NKAIN3: variants seen among roughly 807,000 people sequenced by gnomAD.
NKAIN3 encodes the protein sodium/potassium-transporting ATPase subunit beta-1-interacting protein 3.
In NKAIN3, 25 loss-of-function variants were observed where a neutral mutation model predicts 30.2. The ratio of observed to expected loss-of-function variants is 0.83; its 90% CI spans 0.60 to 1.16. NKAIN3 has a LOEUF of 1.16. Among genes scored for constraint, NKAIN3 ranks in the 50% most tolerant of loss-of-function variants. The pLI is 0.00. For missense variants in NKAIN3, 225 were observed against 254.1 expected (o/e 0.89, Z 0.78); for synonymous variants, 91 against 89.6 (o/e 1.02, Z -0.09).
intron 3 of NKAIN3, among the ~76,000 whole-genome samples, chr8:62,722,070 G>T (rs1815110509): frequency 6.6e-6 from 1 of 152,062 alleles, no homozygotes; most frequent in Admixed American, 6.5e-5. Context: ...CTAATTTTGG[G>T]GAGAAAAGAG....
In NKAIN3 at chr8:62,691,643, A is replaced by G. The variant is rs1323341497; in HGVS notation, c.274-55289A>G. 3.3e-5 allele frequency among the ~76,000 whole-genome samples: 5 copies of G among 152,278 alleles called. No individual in the cohort carries two copies. In the East Asian group the frequency reaches 7.7e-4, roughly 24 times the overall value. On this transcript the variant is annotated intron_variant, in intron 3 of 6. Coordinates refer to ENST00000623646, the MANE Select transcript of NKAIN3 (RefSeq NM_001304533.3). Reference sequence around the variant, plus strand: ...GTTAATAAGGCCTATTAAGTCCTGCATGTTCTGGGTTCTGTCTTCCTCTGT... The same window carrying G: ...GTTAATAAGGCCTATTAAGTCCTGCGTGTTCTGGGTTCTGTCTTCCTCTGT...
At chr8:62,708,387 T>A (rs530823921) in intron 3 of NKAIN3, among the ~76,000 whole-genome samples, 1 of 152,268 alleles carries the variant, frequency 6.6e-6, no homozygotes, top group South Asian at 2.1e-4. Flanking sequence ...GTTTATGTTG[T>A]CTATGATTTC....
chr8:62,564,978 A>G (rs981595511), intron 1 of NKAIN3, among the ~76,000 whole-genome samples: 1 of 152,194 alleles, frequency 6.6e-6, no homozygotes, highest in Non-Finnish European at 1.5e-5. Flanking sequence ...CTGTACACAT[A>G]CATGATTTAT....
intron 3 of NKAIN3, among the ~76,000 whole-genome samples, chr8:62,626,395 A>G (rs1811787927): frequency 6.6e-6 from 1 of 152,276 alleles, no homozygotes; most frequent in African/African-American, 2.4e-5. Context: ...ATTCTTACCA[A>G]GCAAACACAT....
At position 62,664,655 on chromosome 8, in the gene NKAIN3, C is replaced by A. The variant is rs567330854; in HGVS notation, c.273+74861C>A. ...CTGTAATAAACCATTTCCCCTTTTCCTGTATTTTAAGTCATATTTTCTCAA... is the reference window on the plus strand; with the variant it reads ...CTGTAATAAACCATTTCCCCTTTTCATGTATTTTAAGTCATATTTTCTCAA... On this transcript the variant is annotated intron_variant, in intron 3 of 6. Transcript: ENST00000623646. Among the ~76,000 whole-genome samples the A allele has an allele frequency of 2.0e-5, 3 of 152,258 alleles. No individual in the cohort carries two copies. In the East Asian group the frequency reaches 5.8e-4, roughly 29 times the overall value.
At chr8:62,506,596 TCCC>T (rs1414828922) in intron 1 of NKAIN3, among the ~76,000 whole-genome samples, 1 of 150,634 alleles carries the variant, frequency 6.6e-6, no homozygotes, top group Non-Finnish European at 1.5e-5. Context: ...TGCCTCAGCC[TCCC>T]GAGTAGCTGG....
At chr8:62,835,161 T>C (rs899429509) in intron 4 of NKAIN3, among the ~76,000 whole-genome samples, 1 of 144,560 alleles carries the variant, frequency 6.9e-6, no homozygotes, top group Non-Finnish European at 1.5e-5. Flanking sequence ...CTTTCACATA[T>C]ACAATACTGA....
At chr8:62,433,677 G>A (rs1004258809) in intron 1 of NKAIN3, among the ~76,000 whole-genome samples, 48 of 152,106 alleles carry the variant, frequency 3.2e-4, no homozygotes, top group East Asian at 1.2e-3. Flanking sequence ...GGTTTTTGCC[G>A]TTGCTTTTAA....
At chr8:62,334,341 C>G (rs1207981540) in intron 1 of NKAIN3, among the ~76,000 whole-genome samples, 2 of 152,018 alleles carry the variant, frequency 1.3e-5, no homozygotes, top group Non-Finnish European at 2.9e-5. Flanking sequence ...GTCAGTAATC[C>G]TTGGCATTCC....
chr8:62,636,479 C>T (rs1812133363), intron 3 of NKAIN3, among the ~76,000 whole-genome samples: 1 of 152,100 alleles, frequency 6.6e-6, no homozygotes, highest in African/African-American at 2.4e-5. Context: ...AATGTTTCTC[C>T]TTGTACTTTC....
chr8:62,495,547 G>A (rs1807209670), intron 1 of NKAIN3, among the ~76,000 whole-genome samples: 1 of 145,030 alleles, frequency 6.9e-6, no homozygotes, highest in Non-Finnish European at 1.5e-5. Flanking sequence ...ATGAGACAGA[G>A]AGTATATATA....
intron 4 of NKAIN3, among the ~76,000 whole-genome samples, chr8:62,840,579 T>G (rs564041047): frequency 5.3e-5 from 8 of 152,208 alleles, no homozygotes; most frequent in Non-Finnish European, 1.2e-4. Context: ...TGATAATATC[T>G]ATGCTGTATT....
At chr8:62,301,357 AG>A (rs1814045799) in intron 1 of NKAIN3, among the ~76,000 whole-genome samples, 3 of 152,122 alleles carry the variant, frequency 2.0e-5, no homozygotes, top group South Asian at 2.1e-4. Context: ...AAAACAGAAT[AG>A]GTTCAGAGAG....
chr8:62,342,190 G>T (rs1815767705), intron 1 of NKAIN3, among the ~76,000 whole-genome samples: 1 of 130,628 alleles, frequency 7.7e-6, no homozygotes, highest in Non-Finnish European at 1.6e-5. Flanking sequence ...TATAACTTTG[G>T]CTCAAATTTT....
At chr8:62,558,443 A>C (rs1170848501) in intron 1 of NKAIN3, among the ~76,000 whole-genome samples, 1 of 152,140 alleles carries the variant, frequency 6.6e-6, no homozygotes, top group Non-Finnish European at 1.5e-5. Context: ...AGTTATGTGA[A>C]GAATGATGGT....
intron 4 of NKAIN3, among the ~76,000 whole-genome samples, chr8:62,892,750 C>A (rs4466391): frequency 6.6e-6 from 1 of 152,020 alleles, no homozygotes; most frequent in African/African-American, 2.4e-5. Flanking sequence ...TGTTTATTCA[C>A]ACAGTCTTCT....
intron 1 of NKAIN3, among the ~76,000 whole-genome samples, chr8:62,537,279 T>C (rs1264509957): frequency 6.6e-6 from 1 of 152,166 alleles, no homozygotes; most frequent in East Asian, 1.9e-4. Flanking sequence ...AAGGAAGAGG[T>C]TAAGGACTCT....
chr8:62,971,650 G>T lies in NKAIN3; in HGVS notation c.*6243G>T, dbSNP rs1823838227. Among the ~76,000 whole-genome samples the T allele has an allele frequency of 6.6e-6, 1 of 151,646 alleles. No individual in the cohort carries two copies. On this transcript the variant is annotated 3_prime_UTR_variant, in exon 7 of 7. Coordinates refer to ENST00000623646, the MANE Select transcript of NKAIN3 (RefSeq NM_001304533.3). ...CTTGTCTCAAAAAAAAAGCGGGGGGGGCTTCATTTATTAGTAAGAAGGAAA... is the reference window on the plus strand; with the variant it reads ...CTTGTCTCAAAAAAAAAGCGGGGGGTGCTTCATTTATTAGTAAGAAGGAAA...
intron 1 of NKAIN3, among the ~76,000 whole-genome samples, chr8:62,289,165 G>C (rs1813487811): frequency 6.6e-6 from 1 of 152,138 alleles, no homozygotes. Flanking sequence ...TGAGTAGATG[G>C]CAAAAATTTT....
Sources: gnomAD v4.1 joint callset for allele counts (sites outside exome capture counted in the v4.1 genomes callset) on GRCh38, gnomAD v4.1.1 for gene constraint, MANE v1.5 for transcripts, NCBI Gene and HGNC (gene_info 2026-07-23, HGNC 2026-07-21) for gene names.